The following LARP1 variants were observed in gnomAD, a reference collection of about 807,000 sequenced individuals.
The protein encoded by LARP1 is la-related protein 1.
A neutral mutation model predicts 122.7 loss-of-function variants in LARP1; 36 were observed. The observed-to-expected ratio is 0.29, with a 90% CI of 0.22 to 0.39. The LOEUF is 0.39. Ranked by LOEUF, LARP1 falls within the 10% of genes least tolerant of loss-of-function variation. The pLI is 1.00. For missense variants in LARP1, 1,040 were observed against 1,403.6 expected, an observed-to-expected ratio of 0.74 and a Z score of 4.14; for synonymous variants, 539 against 528.7, an observed-to-expected ratio of 1.02 and a Z score of -0.27.
In LARP1 at chr5:154,733,100, T is replaced by C. The variant is rs192608393; in HGVS notation, c.205+19970T>C. Among the ~76,000 whole-genome samples the C allele has an allele frequency of 1.7e-3, 261 of 152,346 alleles. 1 individual carries two copies. Among genetic ancestry groups the C allele is most frequent in the Middle Eastern group, 3.4e-3 (1 of 294 alleles). On this transcript the variant is annotated intron_variant, in intron 1 of 18. Transcript: ENST00000336314. Reference sequence around the variant, plus strand: ...CCGTCTGGACCCACCTGGAATGTTATGTGGCTTGGGATTTCTGGACTAAGG... The same window carrying C: ...CCGTCTGGACCCACCTGGAATGTTACGTGGCTTGGGATTTCTGGACTAAGG...
At chr5:154,768,737 A>G (rs941566630) in intron 1 of LARP1, among the ~76,000 whole-genome samples, 2 of 152,054 alleles carry the variant, frequency 1.3e-5, no homozygotes, top group Non-Finnish European at 2.9e-5. Flanking sequence ...ACGCGCCACC[A>G]TGCCCGGCTA....
chr5:154,750,867 C>T (rs555925277), upstream of LARP1, among the ~76,000 whole-genome samples: 27 of 152,304 alleles, frequency 1.8e-4, no homozygotes, highest in African/African-American at 6.0e-4. Flanking sequence ...CCCACCTTGG[C>T]CTCCCAAAGT....
chr5:154,771,026 C>T (rs923346055), intron 1 of LARP1, among the ~76,000 whole-genome samples: 3 of 151,482 alleles, frequency 2.0e-5, no homozygotes, highest in African/African-American at 7.3e-5. Flanking sequence ...GTGAGAGAGT[C>T]GCTTGAACGC....
intron 1 of LARP1, among the ~76,000 whole-genome samples, chr5:154,724,030 G>A (rs1371056161): frequency 6.6e-6 from 1 of 152,194 alleles, no homozygotes; most frequent in Admixed American, 6.5e-5. Context: ...AGACTGTAGT[G>A]AGTATTTTGA....
chr5:154,806,397 G>A (rs924453969), intron 15 of LARP1, among the ~76,000 whole-genome samples: 2 of 152,202 alleles, frequency 1.3e-5, no homozygotes, highest in Non-Finnish European at 2.9e-5. Context: ...TAGAACAAAG[G>A]TTGCCAAACT....
chr5:154,801,584 T>A (rs2113830915), intron 10 of LARP1, among the ~76,000 whole-genome samples: 1 of 152,348 alleles, frequency 6.6e-6, no homozygotes, highest in Non-Finnish European at 1.5e-5. Flanking sequence ...ACTGAGTATA[T>A]AATGGAAAGC....
intron 1 of LARP1, among the ~76,000 whole-genome samples, chr5:154,696,804 C>T (rs975072436): frequency 1.3e-5 from 2 of 152,112 alleles, no homozygotes; most frequent in East Asian, 1.9e-4. Flanking sequence ...AAGTTAAGGA[C>T]GCAAGCCTGA....
At position 154,713,131 on chromosome 5, in the gene LARP1, G is replaced by T. The variant is rs1476207537; in HGVS notation, c.205+1G>T. 1 of 1,612,566 alleles carries T rather than the reference G, an allele frequency of 6.2e-7. No homozygotes were observed. ...GTCCTGGCCCCCTTCAGCAACCCTGGTGAGTCCTAGCACTCTGCGTTTCTT... is the reference window on the plus strand; with the variant it reads ...GTCCTGGCCCCCTTCAGCAACCCTGTTGAGTCCTAGCACTCTGCGTTTCTT... On this transcript the variant is annotated splice_donor_variant, in intron 1 of 18. Coordinates refer to the LARP1 transcript ENST00000336314. LOFTEE classifies it high-confidence loss of function.
chr5:154,704,956 A>G lies in LARP1; in HGVS notation c.-180+21919A>G, dbSNP rs536524713. On this transcript the variant is annotated intron_variant, in intron 1 of 18. Transcript: ENST00000687700. ...AACATGGAGAAACCCTGTCTCTACT[A>G]AAAATACAAAAATTAGCTGGGCCTG... Among the ~76,000 whole-genome samples the G allele has an allele frequency of 7.9e-5, 12 of 152,000 alleles. No homozygotes were observed. The East Asian group carries it at 1.9e-3, about 25-fold the overall frequency.
In LARP1 at chr5:154,793,794, C is replaced by G; in HGVS notation, c.869-6C>G. On this transcript the variant is annotated splice_polypyrimidine_tract_variant and splice_region_variant and intron_variant, in intron 5 of 18. Transcript: ENST00000518297. ...CAGGCCTGACCTGGTACCCCTCTCCCCATAGGGTCTGAGTCTGCCACCTAC... is the reference window on the plus strand; with the variant it reads ...CAGGCCTGACCTGGTACCCCTCTCCGCATAGGGTCTGAGTCTGCCACCTAC... The G allele has an allele frequency of 6.2e-7, 1 of 1,614,188 alleles. No individual in the cohort carries two copies.
chr5:154,763,211 C>T (rs1754621264), intron 1 of LARP1, among the ~76,000 whole-genome samples: 1 of 152,046 alleles, frequency 6.6e-6, no homozygotes, highest in South Asian at 2.1e-4. Flanking sequence ...CAGCCATGCA[C>T]CACCACGCCT....
intron 1 of LARP1, among the ~76,000 whole-genome samples, chr5:154,789,990 G>A (rs1757212980): frequency 6.6e-6 from 1 of 152,170 alleles, no homozygotes; most frequent in Non-Finnish European, 1.5e-5. Flanking sequence ...TCCTGACTCT[G>A]GTGGCATGGA....
chr5:154,713,653 C>G (rs1405524039), intron 1 of LARP1, among the ~76,000 whole-genome samples: 1 of 152,168 alleles, frequency 6.6e-6, no homozygotes, highest in Non-Finnish European at 1.5e-5. Context: ...ACTCCTAGAT[C>G]TAGTTTGCAT....
At chr5:154,762,253 C>CA (rs1360439237) in intron 1 of LARP1, among the ~76,000 whole-genome samples, 17 of 150,806 alleles carry the variant, frequency 1.1e-4, no homozygotes, top group Admixed American at 1.1e-3. Context: ...CAAAACAAAA[C>CA]AAAAAAACCA....
intron 10 of LARP1, among the ~76,000 whole-genome samples, chr5:154,800,776 C>G (rs1758284980): frequency 6.6e-6 from 1 of 152,116 alleles, no homozygotes; most frequent in Non-Finnish European, 1.5e-5. Flanking sequence ...GCAGAATTGA[C>G]CTTGAACTTT....
chr5:154,713,750 A>C (rs895472944), intron 1 of LARP1, among the ~76,000 whole-genome samples: 2 of 152,210 alleles, frequency 1.3e-5, no homozygotes, highest in African/African-American at 4.8e-5. Context: ...CACAGGGTTC[A>C]TTCTTGAAAG....
intron 15 of LARP1, among the ~76,000 whole-genome samples, 177 bp from the exon 16 acceptor site, chr5:154,808,282 G>A (rs1418635257): frequency 6.6e-6 from 1 of 152,214 alleles, no homozygotes. Context: ...ATCAGGGCCT[G>A]GGGCAGAGTG....
At position 154,816,787 on chromosome 5, in the gene LARP1, G is replaced by T. The variant is rs1759697993; in HGVS notation, c.*2691G>T. On this transcript the variant is annotated 3_prime_UTR_variant, in exon 19 of 19. Transcript: ENST00000518297. The stretch of plus-strand genomic sequence containing the variant: ...GTTCATCCTATCCCTTCCAAGGTTG[G>T]TCCATGCCAACATAACCTCTGGGCA... 1 of 152,268 alleles carries T rather than the reference G, an allele frequency of 6.6e-6. No individual in the cohort carries two copies. Among genetic ancestry groups the T allele is most frequent in the Non-Finnish European group, 1.5e-5 (1 of 68,088 alleles). 9.4% of individuals were successfully genotyped at this position (152,268 alleles called of 1,614,324 possible). A position where few individuals can be genotyped will look rare whatever the true frequency, so the allele number is the denominator to read the frequency against.
At position 154,817,144 on chromosome 5, in the gene LARP1, G is replaced by GT. The variant is rs961635173; in HGVS notation, c.*3054dup. 1 of 151,846 alleles carries GT rather than the reference G, an allele frequency of 6.6e-6. No individual in the cohort carries two copies. The highest frequency in any genetic ancestry group is 6.6e-5 in the Admixed American group (1 of 15,232). 9.4% of individuals were successfully genotyped at this position (151,846 alleles called of 1,614,324 possible). ...TGACTAGTTACGGAGGGTGAGGGTTGTTTTTTGCCAAAAAGCCTGGGTAGA... is the reference window on the plus strand; with the variant it reads ...TGACTAGTTACGGAGGGTGAGGGTTGTTTTTTTGCCAAAAAGCCTGGGTAGA... On this transcript the variant is annotated 3_prime_UTR_variant, in exon 19 of 19. Transcript: ENST00000518297.
Sources: allele counts gnomAD v4.1 joint callset (sites outside exome capture counted in the v4.1 genomes callset), GRCh38; gene constraint gnomAD v4.1.1; transcripts MANE v1.5; gene names NCBI Gene and HGNC (gene_info 2026-07-23, HGNC 2026-07-21).